ANO2: variants seen among roughly 807,000 people sequenced by gnomAD.
ANO2 encodes the protein anoctamin-2.
In ANO2, 101 loss-of-function variants were observed where a neutral mutation model predicts 124.2. The ratio of observed to expected loss-of-function variants is 0.81; its 90% CI spans 0.69 to 0.96. The LOEUF is 0.96. Among genes scored for constraint, ANO2 ranks in the 40% least tolerant of loss-of-function variants. ANO2 has a pLI of 0.00. For synonymous variants in ANO2, 486 were observed against 482.5 expected, an observed-to-expected ratio of 1.01 and a Z score of -0.09; for missense variants, 1,293 against 1,274.5, an observed-to-expected ratio of 1.01 and a Z score of -0.22.
At chr12:5,677,069 AAAG>A (rs1215663178) in intron 14 of ANO2, among the ~76,000 whole-genome samples, 1 of 151,402 alleles carries the variant, frequency 6.6e-6, no homozygotes, top group African/African-American at 2.4e-5. Context: ...ATAAAAAAAT[AAAG>A]AAGAAGGAAA....
chr12:5,643,028 T>G (rs887424706), intron 15 of ANO2, among the ~76,000 whole-genome samples: 3 of 151,906 alleles, frequency 2.0e-5, no homozygotes, highest in Non-Finnish European at 2.9e-5. Flanking sequence ...TGTGTCTTTT[T>G]AAATTTTATT....
intron 3 of ANO2, among the ~76,000 whole-genome samples, chr12:5,876,384 A>C (rs1938105585): frequency 6.6e-6 from 1 of 152,166 alleles, no homozygotes; most frequent in African/African-American, 2.4e-5. Flanking sequence ...TGTTGGTGGG[A>C]GTGTAAATTA....
chr12:5,718,568 G>A (rs368162824), intron 14 of ANO2, among the ~76,000 whole-genome samples: 44 of 152,306 alleles, frequency 2.9e-4, no homozygotes, highest in African/African-American at 1.0e-3. Context: ...ATGTTTATGC[G>A]AGGTAAAGGA....
intron 23 of ANO2, among the ~76,000 whole-genome samples, chr12:5,567,471 C>G (rs1429215975): frequency 2.0e-5 from 3 of 152,158 alleles, no homozygotes; most frequent in African/African-American, 7.2e-5. Flanking sequence ...GAGAAGGGTG[C>G]CACACACACA....
In ANO2 at chr12:5,717,810, G is replaced by A. The variant is rs572003674; in HGVS notation, c.1545+14710C>T. 7.9e-5 allele frequency among the ~76,000 whole-genome samples: 12 copies of A among 152,260 alleles called. No individual in the cohort carries two copies. The South Asian group carries it at 8.3e-4, about 11-fold the overall frequency. ...ATCCTGTGTTCTTGGGGAATATTAC[G>A]GATTAAGTTGGCTCCCAAATGGAGC... On this transcript the variant is annotated intron_variant, in intron 14 of 24. Coordinates refer to ENST00000682330, the MANE Select transcript of ANO2 (RefSeq NM_001364791.2).
At chr12:5,913,295 C>T (rs377436247) in intron 3 of ANO2, among the ~76,000 whole-genome samples, 57 of 152,302 alleles carry the variant, frequency 3.7e-4, no homozygotes, top group African/African-American at 8.4e-4. Flanking sequence ...AGGAAGACAG[C>T]GGCAAGTCTG....
chr12:5,807,374 G>T lies in ANO2; in HGVS notation c.893-6C>A, dbSNP rs371784683. 1.8e-5 allele frequency: 28 copies of T among 1,553,380 alleles called. No homozygotes were observed. The African/African-American group carries it at 3.7e-4, about 20-fold the overall frequency. ...TGCGATCAGAGAGTTAATACCTACG[G>T]AAGAAAGGGAGATGAAAATAGTAAC... On this transcript the variant is annotated splice_polypyrimidine_tract_variant and splice_region_variant and intron_variant, in intron 7 of 24. Transcript: ENST00000682330.
intron 16 of ANO2, among the ~76,000 whole-genome samples, chr12:5,617,737 G>A (rs572790163): frequency 3.2e-4 from 49 of 151,954 alleles, no homozygotes; most frequent in Middle Eastern, 3.4e-3. Flanking sequence ...CACACTCTCC[G>A]GATCACAGTG....
chr12:5,630,995 G>C (rs1459720458), intron 16 of ANO2, among the ~76,000 whole-genome samples: 1 of 152,144 alleles, frequency 6.6e-6, no homozygotes, highest in Non-Finnish European at 1.5e-5. Flanking sequence ...GGTGTCCACG[G>C]CAGCCCCCAT....
intron 20 of ANO2, among the ~76,000 whole-genome samples, chr12:5,591,880 G>GA (rs1014695223): frequency 1.3e-4 from 20 of 152,188 alleles, no homozygotes; most frequent in South Asian, 2.1e-4. Context: ...GGGAGGGCAG[G>GA]AGGGGAGTCA....
intron 17 of ANO2, among the ~76,000 whole-genome samples, 173 bp downstream of exon 17, chr12:5,615,013 C>T (rs1287902126): frequency 6.6e-6 from 1 of 152,164 alleles, no homozygotes; most frequent in Non-Finnish European, 1.5e-5. Context: ...GATGCTAATT[C>T]AAAATGATTG....
intron 16 of ANO2, among the ~76,000 whole-genome samples, chr12:5,615,892 G>T (rs754500242): frequency 3.9e-5 from 6 of 152,088 alleles, no homozygotes; most frequent in Non-Finnish European, 8.8e-5. Flanking sequence ...AATGATAAAG[G>T]CTTGTCATAG....
chr12:5,840,201 T>C lies in ANO2; in HGVS notation c.634-7598A>G, dbSNP rs1247151421. Reference sequence around the variant, plus strand: ...CCCTGGGTACATGATACGCCTTTCATGTGCTTAAAATCATAAATAATTTTT... The same window carrying C: ...CCCTGGGTACATGATACGCCTTTCACGTGCTTAAAATCATAAATAATTTTT... On this transcript the variant is annotated intron_variant, in intron 4 of 24. Transcript: ENST00000682330. 3.3e-5 allele frequency among the ~76,000 whole-genome samples: 5 copies of C among 152,230 alleles called. No homozygotes were observed. The South Asian group carries it at 8.3e-4, about 25-fold the overall frequency.
rs927396506 is a variant in ANO2 at position 5,887,652 on chromosome 12, C to T, written c.534+33388G>A. ...GTTTCTGAGCACTGTATACGGCTTT[C>T]GAAATAAAGAAGGAAGGAGAGAGAG... On this transcript the variant is annotated intron_variant, in intron 3 of 24. Coordinates refer to ENST00000682330, the MANE Select transcript of ANO2 (RefSeq NM_001364791.2). Among the ~76,000 whole-genome samples, 4 of 152,016 alleles carry T rather than the reference C, an allele frequency of 2.6e-5. 1 individual carries two copies. Among genetic ancestry groups the T allele is most frequent in the South Asian group, 4.2e-4 (2 of 4,792 alleles).
chr12:5,901,427 A>T (rs1940199101), intron 3 of ANO2, among the ~76,000 whole-genome samples: 1 of 152,220 alleles, frequency 6.6e-6, no homozygotes, highest in Admixed American at 6.5e-5. Flanking sequence ...CACTATGTGG[A>T]CCAAGGGTTT....
intron 15 of ANO2, among the ~76,000 whole-genome samples, chr12:5,643,569 G>T (rs933005932): frequency 6.6e-6 from 1 of 152,074 alleles, no homozygotes; most frequent in Non-Finnish European, 1.5e-5. Context: ...AGATATCCAG[G>T]AGTAGAATTT....
chr12:5,826,475 T>G (rs1056587055), intron 7 of ANO2, among the ~76,000 whole-genome samples: 2 of 123,334 alleles, frequency 1.6e-5, no homozygotes, highest in Non-Finnish European at 3.5e-5. Context: ...TATATATATA[T>G]ATCCTTGATA....
intron 7 of ANO2, among the ~76,000 whole-genome samples, chr12:5,814,111 T>C (rs1953522573): frequency 6.6e-6 from 1 of 152,196 alleles, no homozygotes; most frequent in African/African-American, 2.4e-5. Context: ...GCCTTCTGCC[T>C]AAATAGTCAC....
chr12:5,604,680 C>T (rs1291995130), intron 19 of ANO2, among the ~76,000 whole-genome samples: 1 of 152,014 alleles, frequency 6.6e-6, no homozygotes, highest in Admixed American at 6.5e-5. Flanking sequence ...GGAAAATATC[C>T]ACAAATAGTC....
Sources: gnomAD v4.1 joint callset for allele counts (sites outside exome capture counted in the v4.1 genomes callset) on GRCh38, gnomAD v4.1.1 for gene constraint, MANE v1.5 for transcripts, NCBI Gene and HGNC (gene_info 2026-07-23, HGNC 2026-07-21) for gene names.